The following TPO variants were observed in gnomAD, a reference collection of about 807,000 sequenced individuals.
TPO encodes thyroid microsomal antigen.
Under a neutral mutation model 96.9 loss-of-function variants are expected in TPO, and 78 were observed. That is an observed-to-expected ratio of 0.81 (90% CI 0.67 to 0.97). The LOEUF (loss-of-function observed/expected upper bound fraction) is 0.97, where lower values mean the gene tolerates loss of function less well. Among genes scored for constraint, TPO ranks in the 50% least tolerant of loss-of-function variants. TPO has a pLI of 0.00. For synonymous variants in TPO, 547 were observed against 538.0 expected (o/e 1.02, Z -0.23); for missense variants, 1,252 against 1,274.8 (o/e 0.98, Z 0.27).
At chr2:1,431,023 G>C (rs1361077266) in intron 3 of TPO, among the ~76,000 whole-genome samples, 1 of 152,182 alleles carries the variant, frequency 6.6e-6, no homozygotes, top group Non-Finnish European at 1.5e-5. Flanking sequence ...TTGTATTTTG[G>C]AATGTGAGAA....
chr2:1,489,150 AG>A (rs1671461633), intron 10 of TPO, among the ~76,000 whole-genome samples: 1 of 145,418 alleles, frequency 6.9e-6, no homozygotes, highest in African/African-American at 2.6e-5. Flanking sequence ...GCACATGCCC[AG>A]CACATACCCA....
At chr2:1,534,641 A>C (rs1573632901) in intron 15 of TPO, among the ~76,000 whole-genome samples, 2 of 125,520 alleles carry the variant, frequency 1.6e-5, no homozygotes, top group Admixed American at 8.3e-5. Context: ...AATCCCGCCC[A>C]CTCTGTGCAA....
chr2:1,420,131 G>C, intron 2 of TPO, among the ~76,000 whole-genome samples: 1 of 152,156 alleles, frequency 6.6e-6, no homozygotes, highest in East Asian at 1.9e-4. Context: ...AAGCCTATAA[G>C]AATGTTTTAA....
intron 11 of TPO, among the ~76,000 whole-genome samples, chr2:1,495,205 A>G (rs532556951): frequency 6.6e-6 from 1 of 152,318 alleles, no homozygotes; most frequent in South Asian, 2.1e-4. Context: ...CAATGCAAAA[A>G]TGGGATCAAT....
At chr2:1,437,993 C>T (rs951652641) in intron 5 of TPO, among the ~76,000 whole-genome samples, 3 of 151,886 alleles carry the variant, frequency 2.0e-5, no homozygotes, top group East Asian at 1.9e-4. Flanking sequence ...GTGGGATGCA[C>T]GGCTGGAGGG....
chr2:1,521,889 C>A (rs1309721361), intron 15 of TPO, among the ~76,000 whole-genome samples: 1 of 152,030 alleles, frequency 6.6e-6, no homozygotes. Flanking sequence ...CCCCAGTCCC[C>A]CCGTGGGTTC....
In TPO at chr2:1,503,981, C is replaced by G; in HGVS notation, c.2420C>G (p.Pro807Arg). 1.2e-6 allele frequency: 2 copies of G among 1,614,188 alleles called. No homozygotes were observed. The highest frequency in any genetic ancestry group is 1.7e-6 in the Non-Finnish European group (2 of 1,180,022). Reference sequence around the variant, plus strand: ...GAGTGTGCAGACGGTGCCCACCCCCCCTGCCACGCCTCTGCGAGGTGCAGA... The same window carrying G: ...GAGTGTGCAGACGGTGCCCACCCCCGCTGCCACGCCTCTGCGAGGTGCAGA... ...VNECADGAHP[P>R]CHASARCRNT... is the part of the protein sequence containing the mutation. The change falls in exon 14 of 17, where the codon CCC (proline) becomes CGC (arginine). Residue 807 changes from proline to arginine, a missense_variant. Coordinates refer to ENST00000329066, the MANE Select transcript of TPO (RefSeq NM_001206744.2).
chr2:1,450,268 C>A (rs1377137224), intron 5 of TPO, among the ~76,000 whole-genome samples: 1 of 152,218 alleles, frequency 6.6e-6, no homozygotes, highest in East Asian at 1.9e-4. Flanking sequence ...GTCTTGCGGC[C>A]TCAGTCCACA....
chr2:1,431,209 GT>G (rs1558276085), intron 3 of TPO, among the ~76,000 whole-genome samples: 2 of 152,158 alleles, frequency 1.3e-5, no homozygotes, highest in African/African-American at 4.8e-5. Context: ...TGATGAGTCA[GT>G]TCTTGCCCAG....
At chr2:1,464,672 A>C (rs1461658346) in intron 7 of TPO, among the ~76,000 whole-genome samples, 1 of 151,836 alleles carries the variant, frequency 6.6e-6, no homozygotes, top group Non-Finnish European at 1.5e-5. Flanking sequence ...ATTTTTTCAT[A>C]TGTTTGTTGG....
intron 1 of TPO, among the ~76,000 whole-genome samples, chr2:1,382,748 T>C (rs1661829003): frequency 6.6e-6 from 1 of 152,084 alleles, no homozygotes; most frequent in Admixed American, 6.5e-5. Context: ...TTTATTATAC[T>C]TTAAGCTCTA....
intron 15 of TPO, among the ~76,000 whole-genome samples, chr2:1,526,860 C>T (rs1260128663): frequency 2.1e-5 from 3 of 140,704 alleles, no homozygotes; most frequent in Non-Finnish European, 4.5e-5. Flanking sequence ...GCAACCTCCC[C>T]AAATCCCCTG....
intron 15 of TPO, among the ~76,000 whole-genome samples, chr2:1,530,854 A>AC (rs1251770597): frequency 4.2e-5 from 1 of 23,874 alleles, no homozygotes; most frequent in Non-Finnish European, 7.9e-5. Flanking sequence ...CTCCCCAAAT[A>AC]CCCCCACTGT....
At chr2:1,388,150 G>A (rs1277094685) in intron 1 of TPO, among the ~76,000 whole-genome samples, 2 of 152,326 alleles carry the variant, frequency 1.3e-5, no homozygotes, top group Admixed American at 1.3e-4. Context: ...TAGGCTACTT[G>A]GGGGTTAGGG....
At chr2:1,522,290 T>C (rs1161882281) in intron 15 of TPO, among the ~76,000 whole-genome samples, 1 of 50,964 alleles carries the variant, frequency 2.0e-5, no homozygotes, top group African/African-American at 7.1e-5. Context: ...ACACCGGCCC[T>C]GCCACCTTGC....
chr2:1,396,612 C>G (rs1047196721), intron 1 of TPO, among the ~76,000 whole-genome samples: 1 of 152,154 alleles, frequency 6.6e-6, no homozygotes, highest in Non-Finnish European at 1.5e-5. Flanking sequence ...CAGAATGAGC[C>G]GCTGTTCTTT....
chr2:1,467,305 A>G (rs1415653143), intron 7 of TPO, among the ~76,000 whole-genome samples: 1 of 152,046 alleles, frequency 6.6e-6, no homozygotes, highest in Non-Finnish European at 1.5e-5. Context: ...GGGTTTCACC[A>G]TGTTGGCCAG....
At chr2:1,525,185 CG>C in intron 15 of TPO, among the ~76,000 whole-genome samples, 1 of 131,308 alleles carries the variant, frequency 7.6e-6, no homozygotes, top group Non-Finnish European at 1.7e-5. Flanking sequence ...GTGTGCAATC[CG>C]CCCAAGTCCC....
In TPO at chr2:1,487,874, G is replaced by T; in HGVS notation, c.1651G>T (p.Val551Leu). Residue 551 changes from valine (V) to leucine (L), a missense_variant, in exon 10 of 17, where the codon GTG (valine) becomes TTG (leucine). By Grantham distance (32) the Val-to-Leu change is conservative. Transcript: ENST00000329066. Reference sequence around the variant, plus strand: ...TCTTGCAAGACCAGCCAAACTGCAGGTGCAGGATCAGCTGATGAACGAGGA... The same window carrying T: ...TCTTGCAAGACCAGCCAAACTGCAGTTGCAGGATCAGCTGATGAACGAGGA... ...GLLARPAKLQ[V>L]QDQLMNEELT... 2 of 1,614,214 alleles carry T rather than the reference G, an allele frequency of 1.2e-6. No individual in the cohort carries two copies. Among genetic ancestry groups the T allele is most frequent in the Non-Finnish European group, 1.7e-6 (2 of 1,180,038 alleles).
Sources: gnomAD v4.1 joint callset for allele counts (sites outside exome capture counted in the v4.1 genomes callset) on GRCh38, gnomAD v4.1.1 for gene constraint, MANE v1.5 for transcripts, NCBI Gene and HGNC (gene_info 2026-07-23, HGNC 2026-07-21) for gene names.